Variants in FOXP2 observed in about 807,000 individuals in gnomAD.
FOXP2 encodes forkhead box protein P2.
A neutral mutation model predicts 115.8 loss-of-function variants in FOXP2; 12 were observed. The observed-to-expected ratio is 0.10, with a 90% CI of 0.07 to 0.17. FOXP2 has a LOEUF of 0.17. Ranked by LOEUF, FOXP2 falls within the 10% of genes least tolerant of loss-of-function variation. The pLI, the probability that FOXP2 is intolerant of heterozygous loss-of-function variation, is 1.00. For synonymous variants in FOXP2, 328 were observed against 297.7 expected (o/e 1.10, Z -1.05); for missense variants, 629 against 843.5 (o/e 0.75, Z 3.15).
intron 2 of FOXP2, among the ~76,000 whole-genome samples, chr7:114,405,190 G>A (rs371166472): frequency 2.0e-5 from 3 of 151,702 alleles, no homozygotes; most frequent in African/African-American, 7.2e-5. Context: ...TATGTGTGTA[G>A]GTTTCTAAAT....
chr7:114,205,872 A>G (rs1794189041), intron 1 of FOXP2, among the ~76,000 whole-genome samples: 1 of 152,178 alleles, frequency 6.6e-6, no homozygotes, highest in Non-Finnish European at 1.5e-5. Context: ...AGCTGGAAAG[A>G]TAAGTCCTTC....
At chr7:114,212,122 A>AATAAAATAATAT (rs67192679) in intron 1 of FOXP2, among the ~76,000 whole-genome samples, 1 of 131,016 alleles carries the variant, frequency 7.6e-6, no homozygotes, top group Non-Finnish European at 1.6e-5. Flanking sequence ...AATAAAATAA[A>AATAAAATAATAT]ATATATATAT....
chr7:114,462,033 C>G (rs1795581872), intron 2 of FOXP2, among the ~76,000 whole-genome samples: 1 of 152,006 alleles, frequency 6.6e-6, no homozygotes. Flanking sequence ...GTAATCACAG[C>G]ATTTTGCGAG....
chr7:114,471,751 A>T (rs1375574197), intron 2 of FOXP2, among the ~76,000 whole-genome samples: 1 of 151,250 alleles, frequency 6.6e-6, no homozygotes, highest in Non-Finnish European at 1.5e-5. Context: ...GGAATTTGAG[A>T]CCAGCCTGGC....
intron 1 of FOXP2, among the ~76,000 whole-genome samples, chr7:114,140,109 T>C (rs1792163469): frequency 6.6e-6 from 1 of 151,998 alleles, no homozygotes; most frequent in African/African-American, 2.4e-5. Flanking sequence ...TGCGACTGTG[T>C]TTCAAAAAAA....
chr7:114,657,666 C>T (rs1806658310), intron 10 of FOXP2, among the ~76,000 whole-genome samples: 1 of 152,156 alleles, frequency 6.6e-6, no homozygotes, highest in African/African-American at 2.4e-5. Flanking sequence ...AGAATAGCAA[C>T]TTACTTTAAA....
At chr7:114,646,059 C>CT (rs1805863673) in intron 8 of FOXP2, among the ~76,000 whole-genome samples, 1 of 6,886 alleles carries the variant, frequency 1.5e-4, no homozygotes, top group East Asian at 2.4e-3. Flanking sequence ...GTTTTCTTCT[C>CT]TAAAAAAAAA....
chr7:114,657,230 G>A (rs1806637333), intron 10 of FOXP2, among the ~76,000 whole-genome samples: 1 of 152,082 alleles, frequency 6.6e-6, no homozygotes, highest in African/African-American at 2.4e-5. Context: ...CTTTCTGAGG[G>A]GAGTAATGAA....
At chr7:114,141,039 A>G (rs776494935) in intron 1 of FOXP2, among the ~76,000 whole-genome samples, 9 of 152,218 alleles carry the variant, frequency 5.9e-5, no homozygotes, top group Admixed American at 6.5e-5. Flanking sequence ...CTCCCATTGG[A>G]TAATTTAATT....
chr7:114,690,070 C>A lies in FOXP2; in HGVS notation c.*144C>A. The A allele has an allele frequency of 1.0e-6, 1 of 975,244 alleles. No homozygotes were observed. Among genetic ancestry groups the A allele is most frequent in the Non-Finnish European group, 1.6e-6 (1 of 627,418 alleles). 60.4% of individuals were successfully genotyped at this position (975,244 alleles called of 1,614,324 possible). On this transcript the variant is annotated 3_prime_UTR_variant, in exon 17 of 17. Coordinates refer to ENST00000350908, the MANE Select transcript of FOXP2 (RefSeq NM_014491.4). The stretch of plus-strand genomic sequence containing the variant: ...GACAGCCCTAAAGGAACTTACTAAG[C>A]CAGCCCTTTGGGATTCAGTACCAAC...
chr7:114,520,478 T>C (rs1246507762), intron 2 of FOXP2, among the ~76,000 whole-genome samples: 1 of 152,124 alleles, frequency 6.6e-6, no homozygotes, highest in East Asian at 1.9e-4. Flanking sequence ...ACATTGCCTC[T>C]TTGTCTACAT....
intron 1 of FOXP2, among the ~76,000 whole-genome samples, chr7:114,283,155 G>A (rs960297216): frequency 6.6e-6 from 1 of 152,090 alleles, no homozygotes; most frequent in African/African-American, 2.4e-5. Flanking sequence ...AGCCTTCATA[G>A]CCAATCAACA....
chr7:114,188,537 G>T (rs1389276782), intron 1 of FOXP2, among the ~76,000 whole-genome samples: 1 of 152,082 alleles, frequency 6.6e-6, no homozygotes, highest in African/African-American at 2.4e-5. Flanking sequence ...GGTAATAAAG[G>T]TAACTCCTCA....
chr7:114,605,264 T>C (rs752859723), intron 3 of FOXP2, among the ~76,000 whole-genome samples: 33 of 152,282 alleles, frequency 2.2e-4, no homozygotes, highest in African/African-American at 6.3e-4. Flanking sequence ...GAAATTATAA[T>C]AGAATCTTAC....
At chr7:114,637,224 A>G (rs1805270915) in intron 6 of FOXP2, among the ~76,000 whole-genome samples, 1 of 152,162 alleles carries the variant, frequency 6.6e-6, no homozygotes, top group African/African-American at 2.4e-5. Flanking sequence ...TTAAGGAATT[A>G]CCCTTTCATT....
rs561853273 is a variant in FOXP2, at chr7:114,231,228, A to C, written c.-101-56791A>C. Among the ~76,000 whole-genome samples the C allele has an allele frequency of 4.6e-5, 7 of 152,264 alleles. No homozygotes were observed. The East Asian group carries it at 9.6e-4, about 21-fold the overall frequency. On this transcript the variant is annotated intron_variant, in intron 1 of 17. Coordinates refer to the FOXP2 transcript ENST00000634411. ...CTACAAAATATTACTGAAAGAATTG[A>C]AGAGACAAATAAATAAAATGTCTCA...
chr7:114,570,750 G>A (rs1801258479), intron 3 of FOXP2: 1 of 1,283,914 alleles, frequency 7.8e-7, no homozygotes, highest in Admixed American at 1.7e-5. Context: ...TACGTTATTA[G>A]CACAAGCCTT....
At chr7:114,371,841 T>C (rs2129189613) in intron 2 of FOXP2, among the ~76,000 whole-genome samples, 1 of 152,224 alleles carries the variant, frequency 6.6e-6, no homozygotes, top group Non-Finnish European at 1.5e-5. Context: ...GTTACCAAAG[T>C]GAGAATGTTT....
intron 1 of FOXP2, among the ~76,000 whole-genome samples, chr7:114,094,379 T>G (rs1304791235): frequency 6.6e-6 from 1 of 152,232 alleles, no homozygotes; most frequent in Non-Finnish European, 1.5e-5. Flanking sequence ...TCTCACATAC[T>G]TTGTTCATAT....
Sources: gnomAD v4.1 joint callset for allele counts (sites outside exome capture counted in the v4.1 genomes callset) on GRCh38, gnomAD v4.1.1 for gene constraint, MANE v1.5 for transcripts, NCBI Gene and HGNC (gene_info 2026-07-23, HGNC 2026-07-21) for gene names.